Variants in MYRIP observed in about 807,000 individuals in gnomAD.
MYRIP encodes rab effector MyRIP.
Under a neutral mutation model 98.0 loss-of-function variants are expected in MYRIP, and 49 were observed. That is an observed-to-expected ratio of 0.50 (90% CI 0.40 to 0.63). The LOEUF is 0.63. Among genes scored for constraint, MYRIP ranks in the 30% least tolerant of loss-of-function variants. The probability of loss-of-function intolerance (pLI) is 0.00; values close to 1 mark genes in which losing one functional copy is unlikely to be tolerated. For synonymous variants in MYRIP, 404 were observed against 409.5 expected, an observed-to-expected ratio of 0.99 and a Z score of 0.16; for missense variants, 1,004 against 1,058.2, an observed-to-expected ratio of 0.95 and a Z score of 0.71.
At chr3:40,114,584 C>T (rs1949233851) in intron 3 of MYRIP, among the ~76,000 whole-genome samples, 1 of 152,148 alleles carries the variant, frequency 6.6e-6, no homozygotes, top group South Asian at 2.1e-4. Context: ...AGAATTTTCA[C>T]AAATCAATGG....
chr3:39,864,037 AAAAAC>A (rs1334108480), intron 1 of MYRIP, among the ~76,000 whole-genome samples: 5 of 152,328 alleles, frequency 3.3e-5, no homozygotes, highest in Middle Eastern at 3.4e-3. Context: ...AAACAGAACT[AAAAAC>A]AAAAATCATA....
At chr3:40,117,602 T>C (rs1447459974) in intron 3 of MYRIP, among the ~76,000 whole-genome samples, 1 of 152,168 alleles carries the variant, frequency 6.6e-6, no homozygotes, top group Non-Finnish European at 1.5e-5. Context: ...ATATCATCCA[T>C]TATCATCAAT....
intron 2 of MYRIP, among the ~76,000 whole-genome samples, chr3:40,025,061 T>C (rs1212096203): frequency 6.6e-6 from 1 of 152,174 alleles, no homozygotes; most frequent in Non-Finnish European, 1.5e-5. Flanking sequence ...GGCTCATAGC[T>C]GTGAAGAACA....
intron 10 of MYRIP, among the ~76,000 whole-genome samples, chr3:40,202,026 C>A (rs573862529): frequency 1.3e-5 from 2 of 152,272 alleles, no homozygotes; most frequent in African/African-American, 4.8e-5. Context: ...AAACTATGTA[C>A]ATTTGCCACA....
chr3:39,864,298 C>T (rs750960473), intron 1 of MYRIP, among the ~76,000 whole-genome samples: 1 of 151,930 alleles, frequency 6.6e-6, no homozygotes, highest in African/African-American at 2.4e-5. Flanking sequence ...AAGTCCTAGT[C>T]AGAGAAATTG....
At chr3:40,144,270 T>G (rs1949968625) in intron 3 of MYRIP, among the ~76,000 whole-genome samples, 1 of 152,228 alleles carries the variant, frequency 6.6e-6, no homozygotes, top group Non-Finnish European at 1.5e-5. Flanking sequence ...GCTTTCATTC[T>G]GCCATGGAGC....
At chr3:40,183,598 G>A (rs1044034544) in intron 9 of MYRIP, among the ~76,000 whole-genome samples, 1 of 152,118 alleles carries the variant, frequency 6.6e-6, no homozygotes, top group African/African-American at 2.4e-5. Flanking sequence ...GGGGCCTCCT[G>A]GTCTACATGA....
intron 3 of MYRIP, among the ~76,000 whole-genome samples, chr3:40,105,455 C>T (rs1575541556): frequency 6.6e-6 from 1 of 152,122 alleles, no homozygotes; most frequent in Non-Finnish European, 1.5e-5. Flanking sequence ...TCTTGGGAGG[C>T]CTTAGGGAGC....
In MYRIP at chr3:40,233,960, CCCA is replaced by C. The variant is rs769827189; in HGVS notation, c.2009_2011del (p.Pro670del). 5 of 1,613,732 alleles carry C rather than the reference CCCA, an allele frequency of 3.1e-6. No individual in the cohort carries two copies. Among genetic ancestry groups the C allele is most frequent in the Non-Finnish European group, 4.2e-6 (5 of 1,179,886 alleles). On this transcript the variant is annotated inframe_deletion, in exon 12 of 17. Transcript: ENST00000302541. ...CAGGATCTACAGGGCCCTGGGAGTC[CCCA>C]CAAGTCCCTCCTGACAGACAGAAGG...
chr3:40,241,964 C>A (rs1447681974), intron 12 of MYRIP, among the ~76,000 whole-genome samples: 1 of 152,132 alleles, frequency 6.6e-6, no homozygotes, highest in Non-Finnish European at 1.5e-5. Flanking sequence ...AACTCTAGTA[C>A]CTTTATGTTA....
rs185911626 is a variant in MYRIP, at chr3:39,927,183, G to A, written c.110+26257G>A. On this transcript the variant is annotated intron_variant, in intron 2 of 16. Transcript: ENST00000302541. ...TTTTTGTGCGTTGATTTTGTATCCT[G>A]AAACTTTCCTGAACTTATTTATCAG... Among the ~76,000 whole-genome samples the A allele has an allele frequency of 9.7e-4, 148 of 152,168 alleles. 1 individual carries two copies. The highest frequency in any genetic ancestry group is 1.4e-3 in the Admixed American group (22 of 15,266).
intron 3 of MYRIP, among the ~76,000 whole-genome samples, chr3:40,131,059 T>C (rs566308674): frequency 1.3e-5 from 2 of 152,300 alleles, no homozygotes; most frequent in African/African-American, 4.8e-5. Flanking sequence ...TAAAGATGGA[T>C]GGTCCATACA....
At chr3:40,109,379 G>A (rs563063283) in intron 3 of MYRIP, among the ~76,000 whole-genome samples, 2 of 152,326 alleles carry the variant, frequency 1.3e-5, no homozygotes, top group South Asian at 4.1e-4. Context: ...ATGCTAAGAA[G>A]GTGCCAGTTA....
At chr3:40,032,469 G>A (rs908722535) in intron 2 of MYRIP, among the ~76,000 whole-genome samples, 2 of 152,096 alleles carry the variant, frequency 1.3e-5, no homozygotes, top group African/African-American at 4.8e-5. Flanking sequence ...TTTTGAATAG[G>A]TGTGGTGTGG....
At chr3:39,877,785 G>T (rs1187266007) in intron 1 of MYRIP, among the ~76,000 whole-genome samples, 1 of 152,166 alleles carries the variant, frequency 6.6e-6, no homozygotes, top group Non-Finnish European at 1.5e-5. Flanking sequence ...GCTGCTCGGG[G>T]GTCAGGGGTC....
At chr3:39,906,479 T>C (rs771097738) in intron 2 of MYRIP, among the ~76,000 whole-genome samples, 4 of 152,200 alleles carry the variant, frequency 2.6e-5, no homozygotes, top group Non-Finnish European at 5.9e-5. Context: ...ACTGAGTGCC[T>C]AAACAGAATT....
chr3:40,013,979 A>C (rs573264071), intron 2 of MYRIP, among the ~76,000 whole-genome samples: 1 of 152,344 alleles, frequency 6.6e-6, no homozygotes, highest in South Asian at 2.1e-4. Flanking sequence ...ACTAAAATCT[A>C]TTGATGTACC....
intron 3 of MYRIP, among the ~76,000 whole-genome samples, chr3:40,120,128 A>G (rs1291345044): frequency 6.6e-6 from 1 of 152,162 alleles, no homozygotes. Context: ...TTACACTGCA[A>G]CCCAACAACT....
At chr3:39,832,183 A>C (rs1231663814) in intron 1 of MYRIP, among the ~76,000 whole-genome samples, 1 of 152,206 alleles carries the variant, frequency 6.6e-6, no homozygotes, top group African/African-American at 2.4e-5. Context: ...TCCTTTCTGA[A>C]TAGGGAGGAA....
Sources: allele counts gnomAD v4.1 joint callset (sites outside exome capture counted in the v4.1 genomes callset), GRCh38; gene constraint gnomAD v4.1.1; transcripts MANE v1.5; gene names NCBI Gene and HGNC (gene_info 2026-07-23, HGNC 2026-07-21).